The following RBM20 variants were observed in gnomAD, a reference collection of about 807,000 sequenced individuals.
RBM20 encodes RNA-binding protein 20.
A neutral mutation model predicts 110.1 loss-of-function variants in RBM20; 51 were observed. The observed-to-expected ratio is 0.46, with a 90% CI of 0.37 to 0.59. RBM20 has a LOEUF of 0.59. Among genes scored for constraint, RBM20 ranks in the 20% least tolerant of loss-of-function variants. RBM20 has a pLI of 0.00. For synonymous variants in RBM20, 589 were observed against 618.2 expected, an observed-to-expected ratio of 0.95 and a Z score of 0.70; for missense variants, 1,512 against 1,574.9, an observed-to-expected ratio of 0.96 and a Z score of 0.68.
intron 6 of RBM20, among the ~76,000 whole-genome samples, chr10:110,799,401 G>T (rs766650912): frequency 6.6e-6 from 1 of 152,116 alleles, no homozygotes; most frequent in Non-Finnish European, 1.5e-5. Flanking sequence ...TTATAAAAAG[G>T]TCTCTTTGAA....
Position 110,823,629 on chromosome 10 carries a change from C to G in RBM20, c.3451+15C>G, listed in dbSNP as rs901709377. 5 of 1,550,774 alleles carry G rather than the reference C, an allele frequency of 3.2e-6. No homozygotes were observed. The highest frequency in any genetic ancestry group is 2.4e-5 in the East Asian group (1 of 40,922). ...CATTCCTCTAGGTAAGCAAAACACA[C>G]AGTCTTTCCTGAAATTCAGGTCTAG... On this transcript the variant is annotated intron_variant, in intron 12 of 13. Coordinates refer to ENST00000369519, the MANE Select transcript of RBM20 (RefSeq NM_001134363.3).
chr10:110,725,352 G>T (rs1183350545), intron 1 of RBM20, among the ~76,000 whole-genome samples: 2 of 152,296 alleles, frequency 1.3e-5, no homozygotes, highest in Admixed American at 6.5e-5. Context: ...GGACCCTTGT[G>T]GGGGACCTGT....
chr10:110,831,094 A>T lies in RBM20; in HGVS notation c.3485A>T (p.Tyr1162Phe), dbSNP rs1845045632. The T allele has an allele frequency of 1.3e-6, 2 of 1,551,404 alleles. No homozygotes were observed. Among genetic ancestry groups the T allele is most frequent in the Non-Finnish European group, 1.7e-6 (2 of 1,146,844 alleles). Reference sequence around the variant, plus strand: ...TTCGTGGTTCCCAGGACTGGCTTTTATTGCAAGCTGTGTGGGCTGTTCTAC... The same window carrying T: ...TTCGTGGTTCCCAGGACTGGCTTTTTTTGCAAGCTGTGTGGGCTGTTCTAC... ...VEFVVPRTGF[Y>F]CKLCGLFYTS... Residue 1162 changes from tyrosine to phenylalanine, a missense_variant, in exon 13 of 14, where the codon TAT becomes TTT. By Grantham distance (22) the Tyr-to-Phe change is conservative. This residue lies in a region of RBM20 where 358 missense variants were observed against 384.2 expected (regional missense o/e 0.93). Transcript: ENST00000369519.
At chr10:110,711,054 G>T (rs1862918324) in intron 1 of RBM20, among the ~76,000 whole-genome samples, 1 of 151,972 alleles carries the variant, frequency 6.6e-6, no homozygotes, top group African/African-American at 2.4e-5. Flanking sequence ...AGGACTTGTG[G>T]GGTGCGTGTG....
upstream of RBM20, among the ~76,000 whole-genome samples, chr10:110,643,365 G>A (rs1467781557): frequency 6.6e-6 from 1 of 152,234 alleles, no homozygotes; most frequent in African/African-American, 2.4e-5. Context: ...ACGCGCCAGG[G>A]CATTAAGCCG....
At chr10:110,815,846 C>T (rs2135111359) in intron 9 of RBM20, among the ~76,000 whole-genome samples, 2 of 152,302 alleles carry the variant, frequency 1.3e-5, no homozygotes, top group Admixed American at 1.3e-4. Context: ...GTTGGTTCTG[C>T]CTCTTACAAC....
intron 1 of RBM20, among the ~76,000 whole-genome samples, chr10:110,681,218 G>A (rs1385054363): frequency 2.0e-5 from 3 of 152,176 alleles, no homozygotes; most frequent in Non-Finnish European, 1.5e-5. Flanking sequence ...GGGACACACT[G>A]TCTCCCCCTG....
intron 1 of RBM20, among the ~76,000 whole-genome samples, chr10:110,686,772 C>T (rs1862511835): frequency 6.6e-6 from 1 of 152,180 alleles, no homozygotes; most frequent in Admixed American, 6.5e-5. Context: ...GGTGCAGTGA[C>T]TCATGCCTGT....
intron 1 of RBM20, among the ~76,000 whole-genome samples, chr10:110,661,032 C>T (rs1862094708): frequency 6.6e-6 from 1 of 152,132 alleles, no homozygotes; most frequent in South Asian, 2.1e-4. Flanking sequence ...GAGAGTTGTA[C>T]TCAGTGATTT....
intron 1 of RBM20, among the ~76,000 whole-genome samples, chr10:110,698,563 T>TCA: frequency 6.6e-6 from 1 of 152,190 alleles, no homozygotes; most frequent in African/African-American, 2.4e-5. Flanking sequence ...GAGGTGGCAT[T>TCA]GGAGCTTCTC....
intron 1 of RBM20, among the ~76,000 whole-genome samples, chr10:110,661,312 C>A (rs1044823952): frequency 1.3e-5 from 2 of 152,156 alleles, no homozygotes; most frequent in African/African-American, 4.8e-5. Context: ...CCTGGGCACC[C>A]GTGACTTGGT....
chr10:110,740,268 CTT>C (rs2134966903), intron 1 of RBM20, among the ~76,000 whole-genome samples: 1 of 152,270 alleles, frequency 6.6e-6, no homozygotes, highest in South Asian at 2.1e-4. Flanking sequence ...GGTTAGGATG[CTT>C]TTGTTTCTGA....
At chr10:110,695,085 G>C (rs1206869371) in intron 1 of RBM20, among the ~76,000 whole-genome samples, 1 of 152,272 alleles carries the variant, frequency 6.6e-6, no homozygotes, top group Non-Finnish European at 1.5e-5. Flanking sequence ...CCACAGGATT[G>C]ATTTTTGTTA....
In RBM20 at chr10:110,769,852, G is replaced by A. The variant is rs375763938; in HGVS notation, c.192-10949G>A. Among the ~76,000 whole-genome samples the A allele has an allele frequency of 4.0e-3, 608 of 152,068 alleles. 5 individuals carry two copies. The highest frequency in any genetic ancestry group is 0.014 in the African/African-American group (579 of 41,472). On this transcript the variant is annotated intron_variant, in intron 1 of 13. Coordinates refer to ENST00000369519, the MANE Select transcript of RBM20 (RefSeq NM_001134363.3). Reference sequence around the variant, plus strand: ...TCCCACCTGAGCCTCCCAAGTAGCTGAGATTACAGTTGTGCGCCACCATGC... The same window carrying A: ...TCCCACCTGAGCCTCCCAAGTAGCTAAGATTACAGTTGTGCGCCACCATGC...
At chr10:110,787,005 G>A (rs1347078615) in intron 5 of RBM20, among the ~76,000 whole-genome samples, 3 of 152,206 alleles carry the variant, frequency 2.0e-5, no homozygotes, top group Non-Finnish European at 4.4e-5. Flanking sequence ...CTCCAGCGCT[G>A]CCCATTGAGC....
chr10:110,748,027 G>T (rs926522790), intron 1 of RBM20, among the ~76,000 whole-genome samples: 1 of 152,158 alleles, frequency 6.6e-6, no homozygotes, highest in African/African-American at 2.4e-5. Flanking sequence ...CTATTAAAAT[G>T]CAACCTATAG....
chr10:110,692,553 G>C (rs1369886636), intron 1 of RBM20, among the ~76,000 whole-genome samples: 1 of 152,008 alleles, frequency 6.6e-6, no homozygotes, highest in Non-Finnish European at 1.5e-5. Flanking sequence ...TTAATTACTA[G>C]TGTGTAAAAA....
intron 1 of RBM20, among the ~76,000 whole-genome samples, chr10:110,668,309 G>A (rs12778936): frequency 1.3e-5 from 2 of 152,106 alleles, no homozygotes; most frequent in Admixed American, 6.5e-5. Context: ...GACTGTGTGC[G>A]TCTTCACCCA....
intron 13 of RBM20, among the ~76,000 whole-genome samples, chr10:110,834,217 C>G (rs1457845111): frequency 6.6e-5 from 10 of 152,222 alleles, no homozygotes; most frequent in African/African-American, 2.4e-4. Context: ...CATTCGCTTG[C>G]CTTCCTCAGC....
Sources: allele counts gnomAD v4.1 joint callset (sites outside exome capture counted in the v4.1 genomes callset), GRCh38; gene constraint gnomAD v4.1.1; regional missense constraint gnomAD v4.1.1; transcripts MANE v1.5; gene names NCBI Gene and HGNC (gene_info 2026-07-23, HGNC 2026-07-21).